Variants in PRR5L observed in about 807,000 individuals in gnomAD.
The protein encoded by PRR5L is proline rich 5 like, also known as proline-rich protein 5-like.
In PRR5L, 21 loss-of-function variants were observed where a neutral mutation model predicts 36.4. The ratio of observed to expected loss-of-function variants is 0.58; its 90% CI spans 0.41 to 0.83. The LOEUF (loss-of-function observed/expected upper bound fraction) is 0.83, where lower values mean the gene tolerates loss of function less well. Among genes scored for constraint, PRR5L ranks in the 40% least tolerant of loss-of-function variants. PRR5L has a pLI of 0.00. For synonymous variants in PRR5L, 188 were observed against 197.0 expected, an observed-to-expected ratio of 0.95 and a Z score of 0.38; for missense variants, 381 against 473.3, an observed-to-expected ratio of 0.80 and a Z score of 1.81.
At chr11:36,364,132 C>T (rs2133504570) in intron 1 of PRR5L, among the ~76,000 whole-genome samples, 1 of 152,302 alleles carries the variant, frequency 6.6e-6, no homozygotes, top group African/African-American at 2.4e-5. Context: ...CCTCTCTGTG[C>T]TTCAGTTTCC....
Position 36,440,568 on chromosome 11 carries a change from G to A in PRR5L, c.444+3092G>A, listed in dbSNP as rs77692836. Among the ~76,000 whole-genome samples the A allele has an allele frequency of 5.1e-3, 772 of 152,312 alleles. 13 individuals carry two copies. The highest frequency in any genetic ancestry group is 0.05 in the East Asian group (259 of 5,176). On this transcript the variant is annotated intron_variant, in intron 6 of 8. Coordinates refer to ENST00000530639, the MANE Select transcript of PRR5L (RefSeq NM_001160167.2). ...AAATGATGGCAACAGAATAATCTGG[G>A]GAAGAAATGAGGGAGGGGGAGCAGC...
intron 1 of PRR5L, among the ~76,000 whole-genome samples, chr11:36,315,727 A>C (rs1235945958): frequency 6.6e-6 from 1 of 152,264 alleles, no homozygotes; most frequent in Non-Finnish European, 1.5e-5. Flanking sequence ...ATGCATGAGC[A>C]GACTTTAGTG....
chr11:36,350,652 A>ACTGTACC (rs1214643437), intron 1 of PRR5L, among the ~76,000 whole-genome samples: 2 of 151,626 alleles, frequency 1.3e-5, no homozygotes, highest in African/African-American at 4.8e-5. Context: ...AGCAGTGTAC[A>ACTGTACC]CTGTACCCAA....
At chr11:36,368,664 T>C (rs1438615287) in intron 1 of PRR5L, among the ~76,000 whole-genome samples, 1 of 152,192 alleles carries the variant, frequency 6.6e-6, no homozygotes, top group Non-Finnish European at 1.5e-5. Context: ...CAACAACAGA[T>C]TGAATGCAGA....
intron 1 of PRR5L, among the ~76,000 whole-genome samples, chr11:36,347,840 GA>G (rs1316990861): frequency 3.3e-5 from 5 of 152,016 alleles, no homozygotes; most frequent in East Asian, 1.9e-4. Flanking sequence ...TGGGGAGGGG[GA>G]AAAAAGTTCC....
intron 7 of PRR5L, among the ~76,000 whole-genome samples, chr11:36,450,820 C>T (rs1466956565): frequency 6.6e-6 from 1 of 152,236 alleles, no homozygotes; most frequent in South Asian, 2.1e-4. Context: ...GCACCTTCCT[C>T]TTTGCATTGT....
intron 4 of PRR5L, among the ~76,000 whole-genome samples, chr11:36,422,560 C>T (rs958284448): frequency 5.3e-5 from 8 of 152,176 alleles, no homozygotes; most frequent in Non-Finnish European, 8.8e-5. Flanking sequence ...GCTTGCCACT[C>T]ATACAGCCCT....
intron 1 of PRR5L, among the ~76,000 whole-genome samples, chr11:36,318,759 A>G (rs967278602): frequency 6.6e-6 from 1 of 152,136 alleles, no homozygotes; most frequent in African/African-American, 2.4e-5. Context: ...GATCCTGGAT[A>G]TCTGGAAAAG....
rs191206328 is a variant in PRR5L at position 36,344,546 on chromosome 11, G to A, written c.-126+48108G>A. 1.9e-3 allele frequency among the ~76,000 whole-genome samples: 296 copies of A among 152,144 alleles called. 2 individuals are homozygous for A. The highest frequency in any genetic ancestry group is 6.7e-3 in the African/African-American group (280 of 41,500). On this transcript the variant is annotated intron_variant, in intron 1 of 8. Transcript: ENST00000530639. This position sits in a 1 kb window ranked among gnomAD's most constrained non-coding sequence, Gnocchi z 4.1. ...TTGCTATTGTCAATAACAACAAAAC[G>A]GCCATCTCTGAAGGTGATTTTTGTT...
chr11:36,360,828 A>G (rs754217294), intron 1 of PRR5L, among the ~76,000 whole-genome samples: 3 of 152,228 alleles, frequency 2.0e-5, no homozygotes, highest in Non-Finnish European at 4.4e-5. Context: ...TCCTAACTTG[A>G]TATCACCCTG....
rs140385860 is a variant in PRR5L, at chr11:36,433,841, C to T, written c.352+1931C>T. ...TACAGGCATGAGCCACTGTGCCCAGCCCTCTTTTGCATTTTGGAGTCAGGC... is the reference window on the plus strand; with the variant it reads ...TACAGGCATGAGCCACTGTGCCCAGTCCTCTTTTGCATTTTGGAGTCAGGC... On this transcript the variant is annotated intron_variant, in intron 5 of 8. Transcript: ENST00000530639. 1.6e-3 allele frequency among the ~76,000 whole-genome samples: 246 copies of T among 152,302 alleles called. 2 individuals are homozygous for T. Among genetic ancestry groups the T allele is most frequent in the African/African-American group, 5.6e-3 (233 of 41,562 alleles).
At chr11:36,393,950 G>A (rs1018220871) in intron 1 of PRR5L, 4 of 152,204 alleles carry the variant, frequency 2.6e-5, no homozygotes, top group African/African-American at 9.7e-5. Flanking sequence ...ACCAAGGAGA[G>A]AGACCCCAAA....
intron 1 of PRR5L, among the ~76,000 whole-genome samples, chr11:36,343,066 C>T (rs1856832069): frequency 6.6e-6 from 1 of 152,168 alleles, no homozygotes; most frequent in African/African-American, 2.4e-5. Context: ...TATGGGGATT[C>T]ACAATTTAGC....
chr11:36,316,147 C>T (rs80326606), intron 1 of PRR5L, among the ~76,000 whole-genome samples: 6,886 of 152,214 alleles, frequency 0.045, 535 homozygotes, highest in African/African-American at 0.16. Context: ...ATTTAGGCAC[C>T]GAGGGCCATA....
At chr11:36,310,889 C>T (rs754616075) in intron 1 of PRR5L, among the ~76,000 whole-genome samples, 5 of 147,708 alleles carry the variant, frequency 3.4e-5, no homozygotes, top group Non-Finnish European at 5.9e-5. Flanking sequence ...CCCAGCTACT[C>T]GGGAGGCCAA....
intron 3 of PRR5L, among the ~76,000 whole-genome samples, chr11:36,404,221 C>G (rs189481087): frequency 2.2e-4 from 34 of 151,182 alleles, no homozygotes; most frequent in Non-Finnish European, 4.1e-4. Flanking sequence ...TCAGGCAGGG[C>G]TCAGAGCACC....
chr11:36,373,570 G>A (rs1857218583), intron 1 of PRR5L, among the ~76,000 whole-genome samples: 1 of 149,166 alleles, frequency 6.7e-6, no homozygotes, highest in South Asian at 2.1e-4. Flanking sequence ...CTGCAGTCCA[G>A]CCTAGGCGAG....
chr11:36,434,216 TTA>T (rs1351123313), intron 5 of PRR5L, among the ~76,000 whole-genome samples: 1 of 151,974 alleles, frequency 6.6e-6, no homozygotes, highest in Admixed American at 6.5e-5. Context: ...TCTTCTAGTC[TTA>T]GAGTTCTGGG....
At chr11:36,410,200 G>A (rs1039339573) in intron 3 of PRR5L, among the ~76,000 whole-genome samples, 9 of 152,202 alleles carry the variant, frequency 5.9e-5, no homozygotes, top group Non-Finnish European at 8.8e-5. Context: ...TGGGGTTGGC[G>A]CATGTGGTTT....
Sources: gnomAD v4.1 joint callset for allele counts (sites outside exome capture counted in the v4.1 genomes callset) on GRCh38, gnomAD v4.1.1 for gene constraint, Gnocchi (gnomAD v3.1) non-coding constraint, MANE v1.5 for transcripts, NCBI Gene and HGNC (gene_info 2026-07-23, HGNC 2026-07-21) for gene names.